TNFSF4: variants seen among roughly 807,000 people sequenced by gnomAD.
The protein encoded by TNFSF4 is TNF superfamily member 4.
Under a neutral mutation model 7.3 loss-of-function variants are expected in TNFSF4, and 4 were observed. The ratio of observed to expected loss-of-function variants is 0.55; its 90% CI spans 0.27 to 1.25. The LOEUF (loss-of-function observed/expected upper bound fraction) is 1.25. Among genes scored for constraint, TNFSF4 ranks in the 50% most tolerant of loss-of-function variants. The pLI is 0.12. For missense variants in TNFSF4, 181 were observed against 208.8 expected (o/e 0.87, Z 0.82); for synonymous variants, 76 against 83.7 (o/e 0.91, Z 0.50).
chr1:173,445,717 T>C, the TNFSF4 span, among the ~76,000 whole-genome samples: 1 of 152,016 alleles, frequency 6.6e-6, no homozygotes, highest in Non-Finnish European at 1.5e-5. Context: ...CCCCGGTCTA[T>C]TGAGCCAGAG....
the TNFSF4 span, among the ~76,000 whole-genome samples, chr1:173,242,919 T>C: frequency 6.8e-6 from 1 of 147,302 alleles, no homozygotes; most frequent in East Asian, 2.0e-4. Context: ...TGGTACTTTG[T>C]TATATTAGAA....
At chr1:173,284,131 G>T in the TNFSF4 span, among the ~76,000 whole-genome samples, 1 of 152,122 alleles carries the variant, frequency 6.6e-6, no homozygotes, top group African/African-American at 2.4e-5. Flanking sequence ...TAGAAAGGCT[G>T]GAAAATGTGA....
rs540769594 is a variant in TNFSF4 at position 173,205,621 on chromosome 1, T to C, written c.153+1403A>G. 1.4e-5 allele frequency: 15 copies of C among 1,109,228 alleles called. No individual in the cohort carries two copies. The South Asian group carries it at 5.7e-4, about 42-fold the overall frequency. The allele number at this position is 1,109,228 out of a possible 1,614,324, so 68.7% of individuals were successfully genotyped here. On this transcript the variant is annotated intron_variant, in intron 1 of 2. Transcript: ENST00000281834. ...TTGTTAGAAAAAGCACTCTCAGGGC[T>C]CCCAGACTGGTGAATGCACTCAGCT...
the TNFSF4 span, among the ~76,000 whole-genome samples, chr1:173,305,123 C>T: frequency 6.6e-6 from 1 of 151,786 alleles, no homozygotes; most frequent in Non-Finnish European, 1.5e-5. Flanking sequence ...ATCCAGACAC[C>T]TAAGAGGCAG....
chr1:173,424,832 T>C, the TNFSF4 span, among the ~76,000 whole-genome samples: 2 of 152,242 alleles, frequency 1.3e-5, no homozygotes, highest in African/African-American at 4.8e-5. Context: ...CCACTTACTG[T>C]CTACATGACC....
chr1:173,375,312 G>A, the TNFSF4 span, among the ~76,000 whole-genome samples: 1 of 152,172 alleles, frequency 6.6e-6, no homozygotes, highest in Non-Finnish European at 1.5e-5. Context: ...CCCCTCTGGA[G>A]GATGCTACAA....
chr1:173,231,624 G>C, the TNFSF4 span, among the ~76,000 whole-genome samples: 1 of 151,934 alleles, frequency 6.6e-6, no homozygotes, highest in Non-Finnish European at 1.5e-5. Flanking sequence ...ATAAATAAAA[G>C]GAATTTTATT....
At chr1:173,209,216 G>T (rs187466524), upstream of TNFSF4, among the ~76,000 whole-genome samples, 1 of 151,942 alleles carries the variant, frequency 6.6e-6, no homozygotes, top group African/African-American at 2.4e-5. Flanking sequence ...TATTGAACAC[G>T]TTTTCACAGC....
the TNFSF4 span, among the ~76,000 whole-genome samples, chr1:173,365,379 A>C: frequency 6.6e-6 from 1 of 152,150 alleles, no homozygotes; most frequent in Admixed American, 6.5e-5. Context: ...TTTATTATTG[A>C]CTGTCTCAAA....
chr1:173,394,943 TAGACAGAC>T, the TNFSF4 span, among the ~76,000 whole-genome samples: 14 of 149,684 alleles, frequency 9.4e-5, no homozygotes, highest in East Asian at 3.9e-4. Flanking sequence ...GATAGATAGA[TAGACAGAC>T]AGACAGACAG....
At chr1:173,259,578 A>G in the TNFSF4 span, among the ~76,000 whole-genome samples, 1 of 152,250 alleles carries the variant, frequency 6.6e-6, no homozygotes, top group Admixed American at 6.5e-5. Context: ...CATCCAATGC[A>G]AAGAAGCTAA....
the TNFSF4 span, among the ~76,000 whole-genome samples, chr1:173,422,331 A>G: frequency 5.9e-5 from 9 of 151,300 alleles, no homozygotes; most frequent in East Asian, 1.4e-3. Context: ...AGAGTGAAAA[A>G]AAAAAAAAAA....
the TNFSF4 span, among the ~76,000 whole-genome samples, chr1:173,448,536 G>A: frequency 6.6e-6 from 1 of 152,280 alleles, no homozygotes; most frequent in Middle Eastern, 3.4e-3. Context: ...AGATAGGGGT[G>A]GGGCCATTTT....
chr1:173,263,162 T>G, the TNFSF4 span, among the ~76,000 whole-genome samples: 1 of 152,212 alleles, frequency 6.6e-6, no homozygotes, highest in Non-Finnish European at 1.5e-5. Context: ...AAACATTCCA[T>G]GCTCATGAAT....
At chr1:173,240,417 T>C in the TNFSF4 span, among the ~76,000 whole-genome samples, 1 of 152,198 alleles carries the variant, frequency 6.6e-6, no homozygotes, top group Non-Finnish European at 1.5e-5. Context: ...CATGTTGGAG[T>C]TTCAATTTAA....
the TNFSF4 span, among the ~76,000 whole-genome samples, chr1:173,254,982 G>GT: frequency 1.3e-5 from 2 of 152,096 alleles, no homozygotes; most frequent in Non-Finnish European, 2.9e-5. Flanking sequence ...CACCTTAGAA[G>GT]TTTTTTTAAA....
the TNFSF4 span, among the ~76,000 whole-genome samples, chr1:173,339,190 G>T: frequency 6.6e-6 from 1 of 152,016 alleles, no homozygotes; most frequent in Non-Finnish European, 1.5e-5. Flanking sequence ...ACCAGCGTGG[G>T]CAACATAGCG....
the TNFSF4 span, among the ~76,000 whole-genome samples, chr1:173,383,382 T>C: frequency 6.6e-6 from 1 of 152,226 alleles, no homozygotes; most frequent in Non-Finnish European, 1.5e-5. Context: ...TTTAGTGAGG[T>C]ATCATTTAAA....
the TNFSF4 span, among the ~76,000 whole-genome samples, chr1:173,353,755 T>A: frequency 5.3e-5 from 8 of 152,356 alleles, no homozygotes; most frequent in East Asian, 1.3e-3. Context: ...TATAAATCAT[T>A]TGTTACTTAA....
Sources: allele counts gnomAD v4.1 joint callset (sites outside exome capture counted in the v4.1 genomes callset), GRCh38; gene constraint gnomAD v4.1.1; transcripts MANE v1.5; gene names NCBI Gene and HGNC (gene_info 2026-07-23, HGNC 2026-07-21).